Variants in PLCB1 observed in about 807,000 individuals in gnomAD.
PLCB1 encodes the protein 1-phosphatidylinositol 4,5-bisphosphate phosphodiesterase beta-1.
A neutral mutation model predicts 161.8 loss-of-function variants in PLCB1; 46 were observed. The observed-to-expected ratio is 0.28, with a 90% CI of 0.22 to 0.36. PLCB1 has a LOEUF of 0.36. PLCB1 is among the 10% of genes least tolerant of loss of function. PLCB1 has a pLI of 1.00. For missense variants in PLCB1, 1,016 were observed against 1,472.5 expected, an observed-to-expected ratio of 0.69 and a Z score of 5.07; for synonymous variants, 517 against 503.7, an observed-to-expected ratio of 1.03 and a Z score of -0.35.
intron 3 of PLCB1, among the ~76,000 whole-genome samples, chr20:8,509,600 A>G (rs1429466713): frequency 1.3e-5 from 2 of 152,176 alleles, no homozygotes; most frequent in Admixed American, 1.3e-4. Flanking sequence ...CATTTAGACT[A>G]TGGCACCCTC....
At chr20:8,397,295 T>C (rs1458391680) in intron 3 of PLCB1, among the ~76,000 whole-genome samples, 1 of 152,246 alleles carries the variant, frequency 6.6e-6, no homozygotes. Flanking sequence ...GAATATATAC[T>C]CCAAGATTAT....
intron 16 of PLCB1, 58 bp from the exon 17 acceptor site, chr20:8,727,251 T>C (rs551518098): frequency 1.1e-5 from 9 of 793,244 alleles, no homozygotes; most frequent in Non-Finnish European, 1.9e-5. Context: ...TTATAATTTA[T>C]AACAATGAAT....
At chr20:8,592,633 G>A (rs188286842) in intron 3 of PLCB1, among the ~76,000 whole-genome samples, 43 of 152,262 alleles carry the variant, frequency 2.8e-4, no homozygotes, top group Non-Finnish European at 4.4e-4. Flanking sequence ...TGTGTGTTGT[G>A]CACCTGCATT....
intron 26 of PLCB1, among the ~76,000 whole-genome samples, chr20:8,767,763 T>G (rs1011574464): frequency 6.6e-6 from 1 of 152,140 alleles, no homozygotes; most frequent in Non-Finnish European, 1.5e-5. Context: ...TTTCATTGAG[T>G]GTCAACAAAG....
intron 19 of PLCB1, 28 bp from the exon 20 acceptor site, chr20:8,737,000 T>G: frequency 6.4e-7 from 1 of 1,566,918 alleles, no homozygotes; most frequent in Admixed American, 1.7e-5. Context: ...AAATTCCTTA[T>G]GGATTGATTG....
chr20:8,299,171 T>C (rs1042017023), intron 2 of PLCB1, among the ~76,000 whole-genome samples: 3 of 152,176 alleles, frequency 2.0e-5, no homozygotes, highest in African/African-American at 7.2e-5. Context: ...CTTTTCTTGC[T>C]GGAGTGGCCC....
At chr20:8,513,779 G>A (rs1169718394) in intron 3 of PLCB1, among the ~76,000 whole-genome samples, 1 of 152,172 alleles carries the variant, frequency 6.6e-6, no homozygotes, top group East Asian at 1.9e-4. Flanking sequence ...GGAGGCCAAG[G>A]CAGAAAGATC....
rs551525274 is a variant in PLCB1, at chr20:8,852,376, A to G, written c.3424-29246A>G. ...GAGCAAAACCAATTCTGTCCAATCC[A>G]GTCTGAGTCTAATGACAGAAACTAC... On this transcript the variant is annotated intron_variant, in intron 31 of 31. Transcript: ENST00000338037. 1.4e-4 allele frequency among the ~76,000 whole-genome samples: 21 copies of G among 152,334 alleles called. No individual in the cohort carries two copies. The East Asian group carries it at 3.9e-3, about 28-fold the overall frequency.
intron 3 of PLCB1, among the ~76,000 whole-genome samples, chr20:8,608,643 ACTTTTATAAAATGTTTCATAAATGT>A (rs2123164452): frequency 6.6e-6 from 1 of 152,312 alleles, no homozygotes; most frequent in Admixed American, 6.5e-5. Flanking sequence ...GACACTAATG[ACTTTTATAAAATGTTTCATAAATGT>A]GTTTTGTGAA....
Position 8,132,517 on chromosome 20 carries a change from G to T in PLCB1, c.-135G>T. ...GGGAGGTGCGGAGGCCGGGAGGCCG[G>T]GGAGGCCGGCGGGGAGCAGAGTCGA... On this transcript the variant is annotated 5_prime_UTR_variant, in exon 1 of 32. Coordinates refer to ENST00000338037, the MANE Select transcript of PLCB1 (RefSeq NM_015192.4). The surrounding 1 kb of genome is among the most constrained non-coding windows in gnomAD (Gnocchi z 5.2). 1 of 447,532 alleles carries T rather than the reference G, an allele frequency of 2.2e-6. No homozygotes were observed. The allele number at this position is 447,532 out of a possible 1,614,324, so 27.7% of individuals were successfully genotyped here. A position where few individuals can be genotyped will look rare whatever the true frequency, so the allele number is the denominator to read the frequency against.
chr20:8,853,582 T>C (rs3926758), intron 31 of PLCB1, among the ~76,000 whole-genome samples: 2 of 151,990 alleles, frequency 1.3e-5, no homozygotes, highest in South Asian at 4.2e-4. Context: ...ATTTACCCAT[T>C]CCACTGTTGA....
At chr20:8,668,105 T>C (rs1989858487) in intron 9 of PLCB1, among the ~76,000 whole-genome samples, 1 of 150,792 alleles carries the variant, frequency 6.6e-6, no homozygotes, top group South Asian at 2.1e-4. Flanking sequence ...GTCAATGTGA[T>C]ACAACAGATA....
intron 3 of PLCB1, among the ~76,000 whole-genome samples, chr20:8,511,914 A>C (rs1445649455): frequency 6.6e-6 from 1 of 152,068 alleles, no homozygotes; most frequent in South Asian, 2.1e-4. Flanking sequence ...TTCCTTATAT[A>C]TTTTGGATAT....
intron 3 of PLCB1, among the ~76,000 whole-genome samples, chr20:8,547,275 C>T (rs6086495): frequency 0.53 from 80,606 of 151,972 alleles, 21,820 homozygotes; most frequent in African/African-American, 0.6. Flanking sequence ...TTTGGGACTA[C>T]TGTTTTTTTA....
chr20:8,188,095 G>T (rs1600223969), intron 2 of PLCB1, among the ~76,000 whole-genome samples: 2 of 152,186 alleles, frequency 1.3e-5, no homozygotes, highest in Middle Eastern at 3.4e-3. Flanking sequence ...GGCATTTTCT[G>T]TTCCAGGCTC....
intron 3 of PLCB1, among the ~76,000 whole-genome samples, chr20:8,421,082 G>A (rs548338018): frequency 6.6e-6 from 1 of 152,324 alleles, no homozygotes; most frequent in Non-Finnish European, 1.5e-5. Context: ...AGATTTCCTA[G>A]TTGGGCCAAT....
chr20:8,522,841 G>T (rs910358306), intron 3 of PLCB1, among the ~76,000 whole-genome samples: 1 of 152,074 alleles, frequency 6.6e-6, no homozygotes, highest in Non-Finnish European at 1.5e-5. Context: ...TGAAATAAAG[G>T]CTTATCTTTA....
intron 3 of PLCB1, among the ~76,000 whole-genome samples, chr20:8,422,296 A>C (rs1340639694): frequency 2.0e-5 from 3 of 152,214 alleles, no homozygotes; most frequent in Admixed American, 6.5e-5. Flanking sequence ...AGAAGTCCAG[A>C]ATTGCAGCTT....
At chr20:8,818,823 C>A (rs1180031313) in intron 31 of PLCB1, among the ~76,000 whole-genome samples, 1 of 151,942 alleles carries the variant, frequency 6.6e-6, no homozygotes, top group Non-Finnish European at 1.5e-5. Context: ...TGCTTGTAAT[C>A]CCAGCTACTT....
Sources: allele counts gnomAD v4.1 joint callset (sites outside exome capture counted in the v4.1 genomes callset), GRCh38; gene constraint gnomAD v4.1.1; non-coding constraint Gnocchi (gnomAD v3.1); transcripts MANE v1.5; gene names NCBI Gene and HGNC (gene_info 2026-07-23, HGNC 2026-07-21).